Variants in CR2 observed in about 807,000 individuals in gnomAD.
CR2 encodes complement receptor type 2.
A neutral mutation model predicts 123.0 loss-of-function variants in CR2; 96 were observed. The ratio of observed to expected loss-of-function variants is 0.78; its 90% CI spans 0.66 to 0.93. The LOEUF is 0.93. CR2 is among the 40% of genes least tolerant of loss of function. CR2 has a pLI of 0.00. For synonymous variants in CR2, 484 were observed against 469.5 expected (o/e 1.03, Z -0.40); for missense variants, 1,258 against 1,361.0 (o/e 0.92, Z 1.19).
intron 1 of CR2, among the ~76,000 whole-genome samples, chr1:207,465,710 T>C (rs1480002780): frequency 2.0e-5 from 3 of 152,222 alleles, no homozygotes; most frequent in Non-Finnish European, 2.9e-5. Flanking sequence ...TTGGCAATTT[T>C]CCCTTTATTC....
chr1:207,466,985 C>T (rs1358911010), intron 2 of CR2, 73 bp downstream of exon 2: 2 of 1,487,630 alleles, frequency 1.3e-6, no homozygotes, highest in African/African-American at 1.4e-5. Flanking sequence ...TTTGTACCCT[C>T]CTGAAGGACA....
At chr1:207,467,719 GA>G (rs1658142873) in intron 2 of CR2, among the ~76,000 whole-genome samples, 1 of 152,170 alleles carries the variant, frequency 6.6e-6, no homozygotes, top group Non-Finnish European at 1.5e-5. Flanking sequence ...AGATCTTAAC[GA>G]TAGTTACAAA....
intron 1 of CR2, among the ~76,000 whole-genome samples, chr1:207,457,998 G>A (rs1365845648): frequency 6.6e-6 from 1 of 150,666 alleles, no homozygotes; most frequent in Non-Finnish European, 1.5e-5. Context: ...TGCCTAGTGT[G>A]TTAGATATAC....
Position 207,477,987 on chromosome 1 carries a change from A to AT in CR2, c.3006dup (p.Gly1003TrpfsTer84). 1 of 1,614,074 alleles carries AT rather than the reference A, an allele frequency of 6.2e-7. No homozygotes were observed. The highest frequency in any genetic ancestry group is 8.5e-7 in the Non-Finnish European group (1 of 1,179,982). On this transcript the variant is annotated frameshift_variant, in exon 16 of 20. Transcript: ENST00000367057. LOFTEE classifies it high-confidence loss of function. ...GCTGTTGTAACTCTGGAGTGTGAAG[A>AT]TGGGTATATGCTGGAAGGCAGTCCC...
At position 207,476,267 on chromosome 1, in the gene CR2, C is replaced by T; in HGVS notation, c.2750C>T (p.Pro917Leu). The T allele has an allele frequency of 6.2e-7, 1 of 1,613,856 alleles. No individual in the cohort carries two copies. Among genetic ancestry groups the T allele is most frequent in the Non-Finnish European group, 8.5e-7 (1 of 1,179,870 alleles). ...FIGCPPPPKT[P>L]NGNHTGGNIA... The stretch of plus-strand genomic sequence containing the variant: ...GGGTGTCCACCTCCGCCTAAGACCC[C>T]TAACGGGAACCATACTGGTGGAAAC... Residue 917 changes from proline to leucine, a missense_variant, in exon 15 of 20, where the codon CCT becomes CTT. Pro to Leu is a moderately conservative substitution (Grantham distance 98, BLOSUM62 -3). Transcript: ENST00000367057.
In CR2 at chr1:207,469,162, AG is replaced by A. The variant is rs1337445452; in HGVS notation, c.749del (p.Gly250AlafsTer8). ...CTTCTGTCTCCAGGTATCGACTGCA[AG>A]GCCCACCTTCTAGTCGGTGTGTAAT... is the stretch of plus-strand genomic sequence containing the variant. ...FFCDEGYRLQGPPSSRCVIAG... is the reference protein window; with the variant it reads ...FFCDEGYRLQXPPSSRCVIAG... On this transcript the variant is annotated frameshift_variant, in exon 5 of 20. Coordinates refer to ENST00000367057, the MANE Select transcript of CR2 (RefSeq NM_001006658.3). LOFTEE classifies it high-confidence loss of function. The A allele has an allele frequency of 6.2e-7, 1 of 1,613,970 alleles. No homozygotes were observed. The highest frequency in any genetic ancestry group is 2.2e-5 in the East Asian group (1 of 44,888).
At chr1:207,469,070 T>A in intron 4 of CR2, 80 bp from the exon 5 acceptor site, 1 of 1,388,460 alleles carries the variant, frequency 7.2e-7, no homozygotes, top group South Asian at 1.2e-5. Flanking sequence ...GAAATGAACT[T>A]GTCTTGAATT....
At position 207,472,977 on chromosome 1, in the gene CR2, G is replaced by A. The variant is rs1048971; in HGVS notation, c.1776G>A (p.Leu592=). 587,273 of 1,613,704 alleles carry A rather than the reference G, an allele frequency of 0.36. 112,939 individuals are homozygous for A. Among genetic ancestry groups the A allele is most frequent in the African/African-American group, 0.7 (52,136 of 74,912 alleles). ...ERGTWSGPAP[L]CKLSLLAVQC... The stretch of plus-strand genomic sequence containing the variant: ...GCACCTGGAGTGGCCCTGCTCCCCT[G>A]TGTAAACTTTCCCTCCTTGCTGTCC... Residue 592 remains leucine, a synonymous_variant, in exon 10 of 20, where the codon CTG becomes CTA. Coordinates refer to ENST00000367057, the MANE Select transcript of CR2 (RefSeq NM_001006658.3).
At position 207,468,866 on chromosome 1, in the gene CR2, T is replaced by A; in HGVS notation, c.701T>A (p.Val234Asp). The A allele has an allele frequency of 1.2e-6, 2 of 1,613,960 alleles. No individual in the cohort carries two copies. Among genetic ancestry groups the A allele is most frequent in the South Asian group, 1.1e-5 (1 of 91,088 alleles). ...GKVKEPPILR[V>D]GVTANFFCDE... ...GTAAAGGAGCCTCCAATTCTCCGGG[T>A]TGGTGTAACTGCAAACTTTTTCTGT... The change falls in exon 4 of 20, where the codon GTT becomes GAT. Residue 234 changes from valine to aspartate, a missense_variant. By Grantham distance (152) the Val-to-Asp change is radical. Transcript: ENST00000367057.
rs374080299 is a variant in CR2 at position 207,466,549 on chromosome 1, C to T, written c.82C>T (p.Pro28Ser). The change falls in exon 2 of 20, where the codon CCT becomes TCT. Residue 28 changes from proline to serine, a missense_variant. By Grantham distance (74) the Pro-to-Ser change is moderately conservative. Transcript: ENST00000367057. Reference protein sequence around the residue: ...VLGISCGSPPPILNGRISYYS... With the variant: ...VLGISCGSPPSILNGRISYYS... ...AGGGATTTCTTGTGGCTCTCCTCCGCCTATCCTAAATGGCCGGATTAGTTA... is the reference window on the plus strand; with the variant it reads ...AGGGATTTCTTGTGGCTCTCCTCCGTCTATCCTAAATGGCCGGATTAGTTA... 6.8e-6 allele frequency: 11 copies of T among 1,613,892 alleles called. No individual in the cohort carries two copies. In the African/African-American group the frequency reaches 1.2e-4, roughly 18 times the overall value.
chr1:207,469,096 T>C, intron 4 of CR2, 54 bp from the exon 5 acceptor site: 2 of 1,496,566 alleles, frequency 1.3e-6, no homozygotes, highest in Non-Finnish European at 1.9e-6. Flanking sequence ...TAGAGGCTGC[T>C]GTTCTTCAGC....
intron 8 of CR2, 44 bp from the exon 9 acceptor site, chr1:207,471,379 A>G (rs753721175): frequency 2.7e-6 from 4 of 1,456,952 alleles, no homozygotes; most frequent in African/African-American, 1.4e-5. Flanking sequence ...GCCTAACTTA[A>G]TGGTCACCTG....
Position 207,460,138 on chromosome 1 carries a change from T to A in CR2, c.58+5662T>A, listed in dbSNP as rs539907828. 8.5e-5 allele frequency among the ~76,000 whole-genome samples: 13 copies of A among 152,356 alleles called. No homozygotes were observed. The South Asian group carries it at 2.7e-3, about 32-fold the overall frequency. ...ATTTGATAATTACAGATTAAGTCAC[T>A]TGACTAGAGTCACTAGTACAAGTAG... On this transcript the variant is annotated intron_variant, in intron 1 of 19. Transcript: ENST00000367057.
At chr1:207,484,886 T>C (rs1658706504) in intron 18 of CR2, among the ~76,000 whole-genome samples, 2 of 152,232 alleles carry the variant, frequency 1.3e-5, no homozygotes, top group Admixed American at 1.3e-4. Context: ...AATAAGAACT[T>C]ATTTTTGCTT....
At position 207,454,609 on chromosome 1, in the gene CR2, CT is replaced by C; in HGVS notation, c.58+136del. 1.4e-6 allele frequency: 1 copy of C among 695,174 alleles called. No individual in the cohort carries two copies. Among genetic ancestry groups the C allele is most frequent in the Non-Finnish European group, 2.3e-6 (1 of 427,980 alleles). The allele number at this position is 695,174 out of a possible 1,614,324, so 43.1% of individuals were successfully genotyped here. ...TCGACGCGTGTCCGCCTCCCGCTAG[CT>C]TTGAGGGACCACTGCAATAAACCGC... On this transcript the variant is annotated intron_variant, in intron 1 of 19. Coordinates refer to ENST00000367057, the MANE Select transcript of CR2 (RefSeq NM_001006658.3). The surrounding 1 kb of genome is among the most constrained non-coding windows in gnomAD (Gnocchi z 4.3).
chr1:207,460,196 T>C (rs781258012), intron 1 of CR2, among the ~76,000 whole-genome samples: 5 of 152,214 alleles, frequency 3.3e-5, no homozygotes, highest in Non-Finnish European at 7.3e-5. Flanking sequence ...TTCATTGAGG[T>C]CAAACCCTGA....
rs34486455 is a variant in CR2 at position 207,466,656 on chromosome 1, A to G, written c.189A>G (p.Leu63=). The part of the protein sequence containing the change: ...GTFRLIGEKS[L]LCITKDKVDG... ...TCCGCCTCATTGGAGAAAAAAGTCT[A>G]TTATGCATAACTAAAGACAAAGTGG... The change falls in exon 2 of 20, where the codon CTA becomes CTG. Residue 63 remains leucine (L), a synonymous_variant. Coordinates refer to ENST00000367057, the MANE Select transcript of CR2 (RefSeq NM_001006658.3). 5.3e-5 allele frequency: 86 copies of G among 1,614,110 alleles called. No homozygotes were observed. In the African/African-American group the frequency reaches 1.0e-3, roughly 20 times the overall value.
chr1:207,471,276 G>A (rs1658272116), intron 8 of CR2, 147 bp from the exon 9 acceptor site: 7 of 883,074 alleles, frequency 7.9e-6, no homozygotes, highest in Non-Finnish European at 1.3e-5. Context: ...TTATGCCTGT[G>A]CAATGAGAAG....
chr1:207,479,177 A>G (rs1304707680), intron 16 of CR2, 80 bp from the exon 17 acceptor site: 1 of 1,107,760 alleles, frequency 9.0e-7, no homozygotes, highest in African/African-American at 1.5e-5. Flanking sequence ...GATTTCTGGG[A>G]CATTACCATG....
Sources: allele counts gnomAD v4.1 joint callset (sites outside exome capture counted in the v4.1 genomes callset), GRCh38; gene constraint gnomAD v4.1.1; non-coding constraint Gnocchi (gnomAD v3.1); transcripts MANE v1.5; gene names NCBI Gene and HGNC (gene_info 2026-07-23, HGNC 2026-07-21).